Variants in AGAP1 observed in about 807,000 individuals in gnomAD.
AGAP1 encodes the protein arf-GAP with GTPase, ANK repeat and PH domain-containing protein 1.
A neutral mutation model predicts 105.3 loss-of-function variants in AGAP1; 29 were observed. That is an observed-to-expected ratio of 0.28 (90% CI 0.21 to 0.38). AGAP1 has a LOEUF of 0.38. AGAP1 is among the 10% of genes least tolerant of loss of function. AGAP1 has a pLI of 1.00. For missense variants in AGAP1, 998 were observed against 1,165.1 expected (o/e 0.86, Z 2.09); for synonymous variants, 509 against 485.9 (o/e 1.05, Z -0.63).
At position 236,102,183 on chromosome 2, in the gene AGAP1, C is replaced by T. The variant is rs559638448; in HGVS notation, c.2115-18009C>T. On this transcript the variant is annotated intron_variant, in intron 16 of 17. Transcript: ENST00000304032. ...CTGTAATCCCAGCACTTTGGGAGGC[C>T]AAGGCGGGCGGATCACAAGGTCAGG... Among the ~76,000 whole-genome samples, 117 of 151,876 alleles carry T rather than the reference C, an allele frequency of 7.7e-4. No individual in the cohort carries two copies. The Middle Eastern group carries it at 0.01, about 13-fold the overall frequency.
At chr2:235,852,964 A>G in intron 9 of AGAP1, 2 of 1,262,802 alleles carry the variant, frequency 1.6e-6, no homozygotes, top group Non-Finnish European at 2.0e-6. Context: ...CCTTCCAACA[A>G]AGAGGTTACA....
intron 1 of AGAP1, among the ~76,000 whole-genome samples, chr2:235,534,326 A>G (rs544574532): frequency 2.1e-4 from 32 of 152,250 alleles, no homozygotes; most frequent in South Asian, 4.1e-4. Context: ...CATGTTTAAT[A>G]AGAGGTCGCT....
intron 16 of AGAP1, among the ~76,000 whole-genome samples, chr2:236,071,548 G>T (rs2058498093): frequency 6.6e-6 from 1 of 152,236 alleles, no homozygotes; most frequent in Admixed American, 6.5e-5. Context: ...CCTTATGTGT[G>T]CTGTGTGTGC....
rs2049664905 is a variant in AGAP1 at position 235,875,335 on chromosome 2, G to T, written c.1051-8010G>T. 6.6e-6 allele frequency among the ~76,000 whole-genome samples: 1 copy of T among 152,232 alleles called. No individual in the cohort carries two copies. Among genetic ancestry groups the T allele is most frequent in the Non-Finnish European group, 1.5e-5 (1 of 68,014 alleles). ...ATGAACAAGCACTTTGGGTTCCTGA[G>T]ATCTTAGGATAAAAGCCCACCGAGG... On this transcript the variant is annotated intron_variant, in intron 9 of 17. Transcript: ENST00000304032. The surrounding 1 kb of genome is among the most constrained non-coding windows in gnomAD (Gnocchi z 4.0).
chr2:236,070,209 C>T (rs985311327), intron 16 of AGAP1, among the ~76,000 whole-genome samples: 5 of 152,262 alleles, frequency 3.3e-5, no homozygotes, highest in African/African-American at 9.6e-5. Flanking sequence ...TGCTAGTTCT[C>T]CTTTTGTTCC....
At position 235,621,409 on chromosome 2, in the gene AGAP1, G is replaced by A. The variant is rs1456037151; in HGVS notation, c.164-87770G>A. On this transcript the variant is annotated intron_variant, in intron 1 of 17. Coordinates refer to ENST00000304032, the MANE Select transcript of AGAP1 (RefSeq NM_001037131.3). The surrounding 1 kb of genome is among the most constrained non-coding windows in gnomAD (Gnocchi z 4.1). ...CAGTCTCTACCTCCCAGAGTGGTTG[G>A]GGTTACGTGAAGTAAGCTTAGACAC... Among the ~76,000 whole-genome samples, 1 of 152,186 alleles carries A rather than the reference G, an allele frequency of 6.6e-6. No homozygotes were observed. The highest frequency in any genetic ancestry group is 2.4e-5 in the African/African-American group (1 of 41,432).
intron 6 of AGAP1, among the ~76,000 whole-genome samples, chr2:235,780,618 A>C (rs1348699026): frequency 6.6e-6 from 1 of 152,248 alleles, no homozygotes; most frequent in Non-Finnish European, 1.5e-5. Flanking sequence ...GTAGCTAATG[A>C]GAAAGATAAG....
In AGAP1 at chr2:235,873,918, G is replaced by A. The variant is rs117452827; in HGVS notation, c.1051-9427G>A. The stretch of plus-strand genomic sequence containing the variant: ...AATTTGTGTATTTTTTTGTAGAGAC[G>A]GGGTTTCAACTTGTTGCCCAGGCTG... On this transcript the variant is annotated intron_variant, in intron 9 of 17. Coordinates refer to ENST00000304032, the MANE Select transcript of AGAP1 (RefSeq NM_001037131.3). 7.5e-3 allele frequency among the ~76,000 whole-genome samples: 1,148 copies of A among 152,200 alleles called. 27 individuals carry two copies. The South Asian group carries it at 0.087, about 12-fold the overall frequency.
rs1386095231 is a variant in AGAP1 at position 235,906,316 on chromosome 2, A to C, written c.1156-2422A>C. On this transcript the variant is annotated intron_variant, in intron 10 of 17. Transcript: ENST00000304032. This position sits in a 1 kb window ranked among gnomAD's most constrained non-coding sequence, Gnocchi z 5.3. ...CCTGCCTCTGAATTTGCCCCACTGT[A>C]GCACAGTTTCTGATCCTTTCTCCAG... Among the ~76,000 whole-genome samples the C allele has an allele frequency of 6.6e-6, 1 of 152,146 alleles. No individual in the cohort carries two copies. Among genetic ancestry groups the C allele is most frequent in the Non-Finnish European group, 1.5e-5 (1 of 68,022 alleles).
intron 10 of AGAP1, among the ~76,000 whole-genome samples, chr2:235,890,796 A>G (rs986470116): frequency 6.6e-5 from 10 of 152,204 alleles, no homozygotes; most frequent in African/African-American, 2.2e-4. Flanking sequence ...ATTGTCTTCT[A>G]GGTCACTTCA....
rs2049883118 is a variant in AGAP1 at position 235,879,046 on chromosome 2, C to T, written c.1051-4299C>T. Among the ~76,000 whole-genome samples the T allele has an allele frequency of 6.6e-6, 1 of 152,210 alleles. No individual in the cohort carries two copies. The highest frequency in any genetic ancestry group is 2.1e-4 in the South Asian group (1 of 4,824). On this transcript the variant is annotated intron_variant, in intron 9 of 17. Transcript: ENST00000304032. The surrounding 1 kb of genome is among the most constrained non-coding windows in gnomAD (Gnocchi z 5.0). Reference sequence around the variant, plus strand: ...ACCGCCCATCAGTAGGAACAGGAGACTTTGGCAGCCCAGCAGCCCAGTGTC... The same window carrying T: ...ACCGCCCATCAGTAGGAACAGGAGATTTTGGCAGCCCAGCAGCCCAGTGTC...
chr2:235,762,188 C>T (rs927492504), intron 6 of AGAP1, among the ~76,000 whole-genome samples: 4 of 151,774 alleles, frequency 2.6e-5, no homozygotes, highest in African/African-American at 9.7e-5. Flanking sequence ...CTTCACTCAT[C>T]GAGGAGCTAC....
At chr2:235,545,162 A>G (rs1259913568) in intron 1 of AGAP1, among the ~76,000 whole-genome samples, 1 of 152,190 alleles carries the variant, frequency 6.6e-6, no homozygotes, top group Non-Finnish European at 1.5e-5. Context: ...AAGTTATTCT[A>G]AATAATGGCA....
rs1017998647 is a variant in AGAP1, at chr2:235,936,509, C to T, written c.1483+5586C>T. Among the ~76,000 whole-genome samples the T allele has an allele frequency of 2.0e-5, 3 of 152,294 alleles. No homozygotes were observed. The highest frequency in any genetic ancestry group is 2.4e-5 in the African/African-American group (1 of 41,552). On this transcript the variant is annotated intron_variant, in intron 12 of 17. Transcript: ENST00000304032. This position sits in a 1 kb window ranked among gnomAD's most constrained non-coding sequence, Gnocchi z 4.7. The stretch of plus-strand genomic sequence containing the variant: ...GGGTTCGAAACATGAGTTTCAGCTT[C>T]GGAAGCTGTCTGTCCCACACTTACT...
chr2:235,914,205 G>A (rs1311269164), intron 11 of AGAP1, among the ~76,000 whole-genome samples: 2 of 152,190 alleles, frequency 1.3e-5, no homozygotes, highest in East Asian at 1.9e-4. Flanking sequence ...CAGTCATAAT[G>A]CATTCCATAT....
In AGAP1 at chr2:235,877,578, C is replaced by T. The variant is rs1317934067; in HGVS notation, c.1051-5767C>T. Among the ~76,000 whole-genome samples the T allele has an allele frequency of 6.6e-6, 1 of 152,178 alleles. No individual in the cohort carries two copies. The highest frequency in any genetic ancestry group is 1.5e-5 in the Non-Finnish European group (1 of 68,044). On this transcript the variant is annotated intron_variant, in intron 9 of 17. Transcript: ENST00000304032. This position sits in a 1 kb window ranked among gnomAD's most constrained non-coding sequence, Gnocchi z 4.3. ...GATTTACATGTTGCGTCTCCCTCAGCGCTGTCCCCCTTAGCACCACTCATG... is the reference window on the plus strand; with the variant it reads ...GATTTACATGTTGCGTCTCCCTCAGTGCTGTCCCCCTTAGCACCACTCATG...
chr2:235,942,698 A>C (rs1461395175), intron 12 of AGAP1, among the ~76,000 whole-genome samples: 1 of 152,148 alleles, frequency 6.6e-6, no homozygotes, highest in African/African-American at 2.4e-5. Flanking sequence ...ACATTTTAAA[A>C]ATTTCCTAGC....
rs770964719 is a variant in AGAP1, at chr2:235,744,739, G to A, written c.438G>A (p.Leu146=). 46 of 1,613,722 alleles carry A rather than the reference G, an allele frequency of 2.9e-5. No individual in the cohort carries two copies. The highest frequency in any genetic ancestry group is 3.7e-5 in the Non-Finnish European group (44 of 1,180,010). ...WVDAVIFVFS[L]EDEISFQTVY... is the part of the protein sequence containing the mutation. Reference sequence around the variant, plus strand: ...ACGCTGTTATATTTGTCTTCAGCTTGGAGGATGAAATAAGTTTCCAGACCG... The same window carrying A: ...ACGCTGTTATATTTGTCTTCAGCTTAGAGGATGAAATAAGTTTCCAGACCG... Residue 146 remains leucine (L), a synonymous_variant, in exon 5 of 18, where the codon TTG becomes TTA. Coordinates refer to ENST00000304032, the MANE Select transcript of AGAP1 (RefSeq NM_001037131.3). The surrounding 1 kb of genome is among the most constrained non-coding windows in gnomAD (Gnocchi z 5.2).
chr2:235,905,632 TG>T lies in AGAP1; in HGVS notation c.1156-3103del, dbSNP rs1187950035. ...CTCCTGCCTTAGCCTCCCAAGTAGCTGGGATTACAAGCACACGCCACCACAC... is the reference window on the plus strand; with the variant it reads ...CTCCTGCCTTAGCCTCCCAAGTAGCTGGATTACAAGCACACGCCACCACAC... On this transcript the variant is annotated intron_variant, in intron 10 of 17. Transcript: ENST00000304032. This position sits in a 1 kb window ranked among gnomAD's most constrained non-coding sequence, Gnocchi z 4.2. Among the ~76,000 whole-genome samples the T allele has an allele frequency of 2.0e-5, 3 of 152,166 alleles. No individual in the cohort carries two copies. Among genetic ancestry groups the T allele is most frequent in the Non-Finnish European group, 2.9e-5 (2 of 68,028 alleles).
Sources: gnomAD v4.1 joint callset for allele counts (sites outside exome capture counted in the v4.1 genomes callset) on GRCh38, gnomAD v4.1.1 for gene constraint, Gnocchi (gnomAD v3.1) non-coding constraint, MANE v1.5 for transcripts, NCBI Gene and HGNC (gene_info 2026-07-23, HGNC 2026-07-21) for gene names.